MDGA2: variants seen among roughly 807,000 people sequenced by gnomAD.
MDGA2 encodes the protein MAM domain-containing glycosylphosphatidylinositol anchor protein 2.
MDGA2 carries 40 observed loss-of-function variants against 117.8 expected under a neutral mutation model. The ratio of observed to expected loss-of-function variants is 0.34; its 90% confidence interval spans 0.26 to 0.44. The LOEUF is 0.44. Among genes scored for constraint, MDGA2 ranks in the 20% least tolerant of loss-of-function variants. The pLI is 1.00. For missense variants in MDGA2, 1,123 were observed against 1,250.6 expected (o/e 0.90, Z 1.54); for synonymous variants, 452 against 439.0 (o/e 1.03, Z -0.37).
At chr14:47,479,588 G>A (rs1893910711) in intron 1 of MDGA2, among the ~76,000 whole-genome samples, 1 of 152,126 alleles carries the variant, frequency 6.6e-6, no homozygotes, top group Admixed American at 6.5e-5. Context: ...GGTGTAAACT[G>A]TGCAATCTAA....
rs956019359 is a variant in MDGA2, at chr14:47,378,006, C to CCTT, written c.281-76457_281-76456insAAG. Among the ~76,000 whole-genome samples the CCTT allele has an allele frequency of 1.8e-4, 28 of 152,142 alleles. 1 individual carries two copies. The highest frequency in any genetic ancestry group is 4.4e-5 in the Non-Finnish European group (3 of 68,030). ...CATACAGCTGGGTGCCCCTCTGAGA[C>CCTT]GAAGCTTCCAGAGGAAGGACCAGGC... On this transcript the variant is annotated intron_variant, in intron 1 of 16. Transcript: ENST00000399232.
chr14:46,841,931 TC>T lies in MDGA2; in HGVS notation c.3077del (p.Ter1026TyrfsTer22), dbSNP rs1019739522. ...TTTTATAGCCTCTGCCAGGATAAGG[TC>T]ACCTTCGAGGACTTAAGATAGAGAT... is the stretch of plus-strand genomic sequence containing the variant. ...VLISILSPRR[*>X] On this transcript the variant is annotated frameshift_variant and stop_lost, in exon 17 of 17. Transcript: ENST00000399232. LOFTEE classifies it high-confidence loss of function. 1 of 1,603,070 alleles carries T rather than the reference TC, an allele frequency of 6.2e-7. No homozygotes were observed. Among genetic ancestry groups the T allele is most frequent in the Non-Finnish European group, 8.5e-7 (1 of 1,172,428 alleles).
chr14:46,937,102 CA>C (rs1187626344), intron 9 of MDGA2, among the ~76,000 whole-genome samples: 1 of 151,868 alleles, frequency 6.6e-6, no homozygotes, highest in Non-Finnish European at 1.5e-5. Flanking sequence ...AGTTGCAGGA[CA>C]CAATATCAGC....
intron 2 of MDGA2, among the ~76,000 whole-genome samples, chr14:47,219,412 T>C (rs1484954174): frequency 6.6e-6 from 1 of 152,014 alleles, no homozygotes; most frequent in Non-Finnish European, 1.5e-5. Flanking sequence ...AATATCAATA[T>C]TTATTCCAAA....
At chr14:47,495,490 T>C (rs1894262974) in intron 1 of MDGA2, among the ~76,000 whole-genome samples, 1 of 152,102 alleles carries the variant, frequency 6.6e-6, no homozygotes, top group African/African-American at 2.4e-5. Context: ...TATTTATAAT[T>C]CCCCCACAGG....
intron 3 of MDGA2, among the ~76,000 whole-genome samples, chr14:47,166,426 C>A (rs1008612906): frequency 3.3e-5 from 5 of 151,986 alleles, no homozygotes; most frequent in Admixed American, 2.0e-4. Context: ...TTCATCAGTT[C>A]AAAAAATATT....
intron 1 of MDGA2, among the ~76,000 whole-genome samples, chr14:47,341,747 C>T (rs1890629521): frequency 2.0e-5 from 3 of 152,138 alleles, no homozygotes. Flanking sequence ...ATTTTGGCGG[C>T]AGCTATTTGC....
At chr14:47,362,887 C>T (rs1347599461) in intron 1 of MDGA2, among the ~76,000 whole-genome samples, 1 of 152,208 alleles carries the variant, frequency 6.6e-6, no homozygotes, top group Non-Finnish European at 1.5e-5. Context: ...AGTAAAATCT[C>T]ATTCCGTAGG....
intron 1 of MDGA2, among the ~76,000 whole-genome samples, chr14:47,625,157 T>C (rs1897118339): frequency 6.6e-6 from 1 of 152,146 alleles, no homozygotes; most frequent in Non-Finnish European, 1.5e-5. Context: ...GGTTACAGTA[T>C]AGTTGTTTCT....
At chr14:46,895,675 C>T (rs978150083) in intron 10 of MDGA2, among the ~76,000 whole-genome samples, 4 of 151,254 alleles carry the variant, frequency 2.6e-5, no homozygotes, top group Non-Finnish European at 4.4e-5. Flanking sequence ...TGCAGTGAGC[C>T]GAGATCGCGC....
At chr14:47,013,546 T>A (rs1003392745) in intron 8 of MDGA2, among the ~76,000 whole-genome samples, 5 of 151,872 alleles carry the variant, frequency 3.3e-5, no homozygotes, top group Admixed American at 1.3e-4. Flanking sequence ...TATTTTGACC[T>A]CCTCTTATGA....
intron 1 of MDGA2, among the ~76,000 whole-genome samples, chr14:47,329,414 TAGGGAGG>T: frequency 6.6e-6 from 1 of 152,200 alleles, no homozygotes; most frequent in East Asian, 1.9e-4. Context: ...ATCACTCTAA[TAGGGAGG>T]GCCCAAGTGA....
chr14:47,214,178 G>A (rs1274509885), intron 3 of MDGA2, among the ~76,000 whole-genome samples: 1 of 151,994 alleles, frequency 6.6e-6, no homozygotes, highest in Non-Finnish European at 1.5e-5. Context: ...ATTTGTGTGG[G>A]CATGGGGGAA....
At chr14:47,438,920 T>C (rs1892948532) in intron 1 of MDGA2, among the ~76,000 whole-genome samples, 1 of 152,172 alleles carries the variant, frequency 6.6e-6, no homozygotes, top group Non-Finnish European at 1.5e-5. Flanking sequence ...TGTGTCTATT[T>C]TTAGGGCAAA....
At chr14:47,200,511 C>G in intron 3 of MDGA2, 1 of 589,704 alleles carries the variant, frequency 1.7e-6, no homozygotes, top group Admixed American at 3.7e-5. Flanking sequence ...TTCTATTTTT[C>G]TTTTCTTTTT....
chr14:47,399,944 G>A (rs1335210673), intron 1 of MDGA2, among the ~76,000 whole-genome samples: 2 of 151,978 alleles, frequency 1.3e-5, no homozygotes, highest in Non-Finnish European at 2.9e-5. Context: ...ATATAATTAA[G>A]CAGTGACACC....
At chr14:47,348,976 A>C (rs1323876092) in intron 1 of MDGA2, among the ~76,000 whole-genome samples, 1 of 152,208 alleles carries the variant, frequency 6.6e-6, no homozygotes, top group Non-Finnish European at 1.5e-5. Flanking sequence ...AGGATGGAAA[A>C]AATAAACTTA....
At chr14:47,263,778 T>G (rs1887877285) in intron 2 of MDGA2, among the ~76,000 whole-genome samples, 1 of 152,198 alleles carries the variant, frequency 6.6e-6, no homozygotes, top group Non-Finnish European at 1.5e-5. Flanking sequence ...TTAGCCATTC[T>G]TTATATCAAA....
chr14:47,224,453 T>C (rs1566689022), intron 2 of MDGA2, among the ~76,000 whole-genome samples: 1 of 152,158 alleles, frequency 6.6e-6, no homozygotes. Flanking sequence ...AAGTATATTG[T>C]GTAGATGCAA....
Sources: allele counts gnomAD v4.1 joint callset (sites outside exome capture counted in the v4.1 genomes callset), GRCh38; gene constraint gnomAD v4.1.1; transcripts MANE v1.5; gene names NCBI Gene and HGNC (gene_info 2026-07-23, HGNC 2026-07-21).